CMSS1: variants seen among roughly 807,000 people sequenced by gnomAD.
CMSS1 encodes cms1 ribosomal small subunit homolog, also known as protein CMSS1.
In CMSS1, 33 loss-of-function variants were observed where a neutral mutation model predicts 43.5. That is an observed-to-expected ratio of 0.76 (90% CI 0.57 to 1.01). The LOEUF is 1.01. Among genes scored for constraint, CMSS1 ranks in the 50% least tolerant of loss-of-function variants. CMSS1 has a pLI of 0.00. For synonymous variants in CMSS1, 115 were observed against 117.2 expected (o/e 0.98, Z 0.12); for missense variants, 313 against 326.4 (o/e 0.96, Z 0.32).
chr3:100,142,327 G>A (rs2066812136), intron 1 of CMSS1, among the ~76,000 whole-genome samples: 1 of 152,044 alleles, frequency 6.6e-6, no homozygotes, highest in South Asian at 2.1e-4. Context: ...TCTTTACTAT[G>A]TACAGACTTT....
intron 1 of CMSS1, among the ~76,000 whole-genome samples, chr3:100,057,883 A>G (rs763798286): frequency 3.0e-4 from 45 of 152,174 alleles, no homozygotes; most frequent in African/African-American, 9.7e-4. Context: ...TCCAACTTCT[A>G]TGTATTCCTC....
chr3:99,881,114 T>G (rs1168702633), intron 1 of CMSS1, among the ~76,000 whole-genome samples: 1 of 152,138 alleles, frequency 6.6e-6, no homozygotes, highest in Non-Finnish European at 1.5e-5. Context: ...CATCTGTTGG[T>G]AAGAGACTTC....
chr3:100,025,685 CAG>C (rs960812554), intron 1 of CMSS1: 5 of 152,172 alleles, frequency 3.3e-5, no homozygotes, highest in African/African-American at 4.8e-5. Context: ...AGGTCGTCCA[CAG>C]AGACATTGTT....
intron 1 of CMSS1, among the ~76,000 whole-genome samples, chr3:100,082,472 T>C (rs185739791): frequency 2.9e-4 from 44 of 152,312 alleles, no homozygotes; most frequent in African/African-American, 1.1e-3. Context: ...ATGGTTTCTA[T>C]TTTCTTCTAT....
chr3:100,050,480 T>G (rs1049574090), intron 1 of CMSS1, among the ~76,000 whole-genome samples: 3 of 152,198 alleles, frequency 2.0e-5, no homozygotes, highest in Non-Finnish European at 4.4e-5. Context: ...CATAGTCATT[T>G]TCTGTTTTTT....
intron 1 of CMSS1, among the ~76,000 whole-genome samples, chr3:99,900,307 A>G (rs1251016984): frequency 6.6e-6 from 1 of 152,242 alleles, no homozygotes; most frequent in East Asian, 1.9e-4. Context: ...TGAGGATATT[A>G]ATAACAACTA....
chr3:100,178,225 A>C, intron 9 of CMSS1, 80 bp from the exon 10 acceptor site: 1 of 756,258 alleles, frequency 1.3e-6, no homozygotes, highest in Non-Finnish European at 2.3e-6. Context: ...AATATCAGGG[A>C]GTCCTGATGG....
At chr3:99,954,255 G>A (rs1014071423) in intron 1 of CMSS1, among the ~76,000 whole-genome samples, 2 of 152,194 alleles carry the variant, frequency 1.3e-5, no homozygotes, top group Non-Finnish European at 2.9e-5. Context: ...TTTGAGCCCA[G>A]GTCATCTAAT....
intron 1 of CMSS1, among the ~76,000 whole-genome samples, chr3:99,894,715 C>T (rs1432442712): frequency 6.6e-6 from 1 of 152,096 alleles, no homozygotes; most frequent in African/African-American, 2.4e-5. Context: ...CAGACTAGCA[C>T]AAGGAAGCTT....
intron 1 of CMSS1, among the ~76,000 whole-genome samples, chr3:100,052,939 C>T (rs1041693625): frequency 1.1e-4 from 17 of 151,936 alleles, no homozygotes; most frequent in Non-Finnish European, 2.4e-4. Flanking sequence ...TATAATTTCC[C>T]CTAAATAAGA....
At chr3:99,945,031 A>C (rs1336691626) in intron 1 of CMSS1, among the ~76,000 whole-genome samples, 3 of 152,196 alleles carry the variant, frequency 2.0e-5, no homozygotes, top group Non-Finnish European at 2.9e-5. Flanking sequence ...AACAGCTTTT[A>C]GACTCTGCTT....
chr3:100,024,281 C>T (rs2064879237), intron 1 of CMSS1, among the ~76,000 whole-genome samples: 2 of 152,096 alleles, frequency 1.3e-5, no homozygotes, highest in African/African-American at 2.4e-5. Context: ...ATAGGTTTGC[C>T]GATTACAATT....
chr3:100,164,394 T>TA (rs1422900038), intron 4 of CMSS1, among the ~76,000 whole-genome samples: 1 of 152,182 alleles, frequency 6.6e-6, no homozygotes, highest in Non-Finnish European at 1.5e-5. Context: ...TCTCTGGAGT[T>TA]AGAGAGAGTC....
Position 100,179,395 on chromosome 3 carries a change from T to TA in CMSS1, c.*1013dup, listed in dbSNP as rs1414317725. On this transcript the variant is annotated 3_prime_UTR_variant, in exon 10 of 10. Transcript: ENST00000421999. ...TCCTTCCACCTATGAGCCTGTAAAA[T>TA]AAAAAACAAGTTAGTCATTTCCAAG... The TA allele has an allele frequency of 2.1e-5, 3 of 142,610 alleles. No homozygotes were observed. The highest frequency in any genetic ancestry group is 6.7e-5 in the Admixed American group (1 of 14,912). 8.8% of individuals were successfully genotyped at this position (142,610 alleles called of 1,614,324 possible).
chr3:99,916,737 C>T (rs932038825), intron 1 of CMSS1, among the ~76,000 whole-genome samples: 1 of 152,082 alleles, frequency 6.6e-6, no homozygotes, highest in Non-Finnish European at 1.5e-5. Context: ...CCATGCTCCA[C>T]GTTTGTTGTT....
At chr3:99,861,080 C>G (rs139445382) in intron 1 of CMSS1, among the ~76,000 whole-genome samples, 2 of 152,230 alleles carry the variant, frequency 1.3e-5, no homozygotes, top group African/African-American at 4.8e-5. Flanking sequence ...TCCCCCACCC[C>G]CTGCTCCCAC....
intron 4 of CMSS1, among the ~76,000 whole-genome samples, chr3:100,163,530 T>A (rs575391128): frequency 7.1e-4 from 108 of 152,290 alleles, no homozygotes; most frequent in African/African-American, 2.0e-3. Context: ...GCTAATTTTT[T>A]AAAAATATTT....
intron 1 of CMSS1, among the ~76,000 whole-genome samples, chr3:100,128,648 C>G: frequency 6.6e-6 from 1 of 152,166 alleles, no homozygotes; most frequent in East Asian, 1.9e-4. Context: ...CCCAATCAAA[C>G]CCACCCCACT....
At chr3:99,834,596 C>G (rs1216758972) in intron 1 of CMSS1, among the ~76,000 whole-genome samples, 2 of 152,230 alleles carry the variant, frequency 1.3e-5, no homozygotes, top group African/African-American at 2.4e-5. Context: ...TTGTCTTCCT[C>G]ATTTGTTCTC....
Sources: gnomAD v4.1 joint callset for allele counts (sites outside exome capture counted in the v4.1 genomes callset) on GRCh38, gnomAD v4.1.1 for gene constraint, MANE v1.5 for transcripts, NCBI Gene and HGNC (gene_info 2026-07-23, HGNC 2026-07-21) for gene names.